FNDC3A: variants seen among roughly 807,000 people sequenced by gnomAD.
The protein encoded by FNDC3A is fibronectin type III domain containing 3A.
FNDC3A carries 32 observed loss-of-function variants against 148.9 expected under a neutral mutation model. The ratio of observed to expected loss-of-function variants is 0.21; its 90% confidence interval spans 0.16 to 0.29. The LOEUF is 0.29. Among genes scored for constraint, FNDC3A ranks in the 10% least tolerant of loss-of-function variants. The pLI, the probability that FNDC3A is intolerant of heterozygous loss-of-function variation, is 1.00. For missense variants in FNDC3A, 1,191 were observed against 1,452.8 expected (o/e 0.82, Z 2.93); for synonymous variants, 472 against 473.6 (o/e 1.00, Z 0.04).
intron 14 of FNDC3A, among the ~76,000 whole-genome samples, chr13:49,181,005 C>G (rs1000905370): frequency 1.3e-5 from 2 of 152,152 alleles, no homozygotes; most frequent in Non-Finnish European, 1.5e-5. Flanking sequence ...CATATGAGCC[C>G]AGGATTTCAA....
chr13:49,170,642 T>C (rs1028816304), intron 10 of FNDC3A, among the ~76,000 whole-genome samples: 2 of 152,240 alleles, frequency 1.3e-5, no homozygotes, highest in South Asian at 2.1e-4. Context: ...AGTTCTGCTC[T>C]ACTTTTAATG....
intron 4 of FNDC3A, among the ~76,000 whole-genome samples, chr13:49,120,847 A>G (rs1279975313): frequency 2.0e-5 from 3 of 152,202 alleles, no homozygotes; most frequent in Non-Finnish European, 4.4e-5. Context: ...TTATAAAGCA[A>G]GTTCTTAGAG....
At chr13:49,119,033 T>A (rs373219017) in intron 4 of FNDC3A, among the ~76,000 whole-genome samples, 9 of 152,196 alleles carry the variant, frequency 5.9e-5, no homozygotes, top group African/African-American at 2.2e-4. Flanking sequence ...CCTCAAGTGG[T>A]TCCCTAACCC....
At chr13:49,128,707 A>G (rs1379680882) in intron 4 of FNDC3A, among the ~76,000 whole-genome samples, 1 of 152,100 alleles carries the variant, frequency 6.6e-6, no homozygotes, top group East Asian at 1.9e-4. Context: ...TCACCGCTTC[A>G]TTTCTTTGAC....
chr13:49,072,456 C>G (rs1877762078), intron 2 of FNDC3A, among the ~76,000 whole-genome samples: 1 of 152,012 alleles, frequency 6.6e-6, no homozygotes, highest in Admixed American at 6.6e-5. Context: ...CTGTTGATCT[C>G]TCTGTCTGTT....
intron 17 of FNDC3A, 65 bp downstream of exon 17, chr13:49,188,698 AGGT>A (rs1400045006): frequency 2.1e-6 from 2 of 938,262 alleles, no homozygotes; most frequent in Non-Finnish European, 1.7e-6. Context: ...TAGGATCACC[AGGT>A]GCCACTTCAA....
At chr13:49,150,675 G>A (rs113394828) in intron 8 of FNDC3A, among the ~76,000 whole-genome samples, 5 of 152,002 alleles carry the variant, frequency 3.3e-5, no homozygotes, top group East Asian at 3.9e-4. Context: ...GGCCGGGCAC[G>A]GTGGCTTACA....
Position 49,136,353 on chromosome 13 carries a change from G to A in FNDC3A, c.512G>A (p.Arg171Lys). ...GDVDAHSTHG[R>K]SNFRDERSSK... ...CTAGATGCTCACTCTACACATGGAA[G>A]GTCCAACTTTAGAGATGAACGATCT... The change falls in exon 6 of 26, where the codon AGG becomes AAG. Residue 171 changes from arginine to lysine, a missense_variant. By Grantham distance (26) the Arg-to-Lys change is conservative. Around this residue, in one of 3 missense-constraint regions of FNDC3A, gnomAD observed 426 missense variants for 473.2 expected, o/e 0.90. Coordinates refer to ENST00000492622, the MANE Select transcript of FNDC3A (RefSeq NM_001079673.2). 6.2e-7 allele frequency: 1 copy of A among 1,613,892 alleles called. No individual in the cohort carries two copies. Among genetic ancestry groups the A allele is most frequent in the Non-Finnish European group, 8.5e-7 (1 of 1,179,926 alleles).
intron 2 of FNDC3A, among the ~76,000 whole-genome samples, chr13:49,019,042 C>G (rs1873073552): frequency 6.6e-6 from 1 of 152,242 alleles, no homozygotes; most frequent in South Asian, 2.1e-4. Flanking sequence ...GCAGAGGTTA[C>G]TGCTGTCTTT....
intron 10 of FNDC3A, among the ~76,000 whole-genome samples, chr13:49,169,820 G>A (rs1057110996): frequency 1.3e-5 from 2 of 152,182 alleles, no homozygotes; most frequent in African/African-American, 4.8e-5. Flanking sequence ...AAAAAGTACT[G>A]TTAACACATG....
chr13:49,148,153 C>G (rs1883095351), intron 8 of FNDC3A, among the ~76,000 whole-genome samples: 1 of 152,290 alleles, frequency 6.6e-6, no homozygotes, highest in Admixed American at 6.5e-5. Flanking sequence ...CAAATACTCT[C>G]TCCCTTTCTG....
At chr13:49,150,239 G>A (rs1295774233) in intron 8 of FNDC3A, among the ~76,000 whole-genome samples, 2 of 151,594 alleles carry the variant, frequency 1.3e-5, no homozygotes, top group East Asian at 3.9e-4. Flanking sequence ...GCACCTGGCT[G>A]TCTGCTCTGA....
chr13:48,982,310 AT>A (rs1951708272), intron 1 of FNDC3A, among the ~76,000 whole-genome samples: 1 of 151,766 alleles, frequency 6.6e-6, no homozygotes, highest in African/African-American at 2.4e-5. Flanking sequence ...TTATGACTTG[AT>A]TTTTTTCCAT....
intron 1 of FNDC3A, among the ~76,000 whole-genome samples, chr13:48,989,950 C>T (rs1241249661): frequency 6.6e-6 from 1 of 152,070 alleles, no homozygotes; most frequent in Non-Finnish European, 1.5e-5. Context: ...TGGAGTTTCA[C>T]CATGTTGGCC....
At chr13:49,003,482 A>G (rs1202803364) in intron 1 of FNDC3A, among the ~76,000 whole-genome samples, 1 of 152,152 alleles carries the variant, frequency 6.6e-6, no homozygotes, top group African/African-American at 2.4e-5. Context: ...TGTTAGTTGT[A>G]TATGTTGTAA....
Position 49,022,579 on chromosome 13 carries a change from C to T in FNDC3A, c.99+16290C>T, listed in dbSNP as rs1033719027. Among the ~76,000 whole-genome samples, 8 of 152,110 alleles carry T rather than the reference C, an allele frequency of 5.3e-5. 1 individual carries two copies. The highest frequency in any genetic ancestry group is 1.9e-4 in the African/African-American group (8 of 41,434). On this transcript the variant is annotated intron_variant, in intron 2 of 25. Coordinates refer to ENST00000492622, the MANE Select transcript of FNDC3A (RefSeq NM_001079673.2). ...AACATAAACCTTAGGAATGAGGCTA[C>T]TGAGACTGAAATAAAGCTTATACTT...
chr13:49,102,220 CT>C (rs1389349476), intron 3 of FNDC3A, among the ~76,000 whole-genome samples: 9 of 151,666 alleles, frequency 5.9e-5, no homozygotes. Flanking sequence ...TTTATCATGG[CT>C]TGTGTTTTGG....
intron 2 of FNDC3A, among the ~76,000 whole-genome samples, chr13:49,013,335 A>G (rs1255620542): frequency 1.3e-5 from 2 of 151,132 alleles, no homozygotes; most frequent in African/African-American, 4.8e-5. Context: ...CATTTCTAAG[A>G]TAATGATATA....
At chr13:49,194,075 A>G (rs997305922) in intron 19 of FNDC3A, among the ~76,000 whole-genome samples, 1 of 152,202 alleles carries the variant, frequency 6.6e-6, no homozygotes, top group African/African-American at 2.4e-5. Context: ...AGCCTGGCCA[A>G]CATCGGGAAA....
Sources: gnomAD v4.1 joint callset for allele counts (sites outside exome capture counted in the v4.1 genomes callset) on GRCh38, gnomAD v4.1.1 for gene constraint, gnomAD v4.1.1 regional missense constraint, MANE v1.5 for transcripts, NCBI Gene and HGNC (gene_info 2026-07-23, HGNC 2026-07-21) for gene names.